The following ERBIN variants were observed in gnomAD, a reference collection of about 807,000 sequenced individuals.
The protein encoded by ERBIN is erbb2 interacting protein.
A neutral mutation model predicts 158.4 loss-of-function variants in ERBIN; 60 were observed. The observed-to-expected ratio is 0.38, with a 90% CI of 0.31 to 0.47. ERBIN has a LOEUF of 0.47. Among genes scored for constraint, ERBIN ranks in the 20% least tolerant of loss-of-function variants. The pLI is 0.99. For missense variants in ERBIN, 1,610 were observed against 1,648.0 expected (o/e 0.98, Z 0.40); for synonymous variants, 594 against 557.2 (o/e 1.07, Z -0.93).
intron 1 of ERBIN, among the ~76,000 whole-genome samples, chr5:65,954,215 C>T (rs970245571): frequency 1.2e-4 from 18 of 152,026 alleles, no homozygotes; most frequent in South Asian, 4.2e-4. Flanking sequence ...AGATTGTTCT[C>T]GAGAGTAATA....
intron 4 of ERBIN, among the ~76,000 whole-genome samples, chr5:66,000,236 A>G (rs1433646053): frequency 6.6e-6 from 1 of 152,228 alleles, no homozygotes; most frequent in African/African-American, 2.4e-5. Flanking sequence ...TGCTTGGCTC[A>G]GTAATGAAAA....
intron 18 of ERBIN, among the ~76,000 whole-genome samples, chr5:66,047,542 G>A (rs940008888): frequency 5.9e-5 from 9 of 151,970 alleles, no homozygotes; most frequent in African/African-American, 1.9e-4. Context: ...TGGTGAAGCT[G>A]TAACTTTTTA....
intron 1 of ERBIN, among the ~76,000 whole-genome samples, chr5:65,958,149 C>A (rs1747458180): frequency 6.6e-6 from 1 of 151,144 alleles, no homozygotes; most frequent in South Asian, 2.1e-4. Flanking sequence ...GGCAGCCGGG[C>A]AGAGGGGCTC....
At chr5:66,014,627 T>C (rs751701703) in intron 6 of ERBIN, 42 bp from the exon 7 acceptor site, 4 of 925,390 alleles carry the variant, frequency 4.3e-6, no homozygotes, top group Non-Finnish European at 6.5e-6. Flanking sequence ...ATTAAATTCA[T>C]TGTCTTTGTC....
chr5:66,079,464 C>T lies in ERBIN; in HGVS notation c.*934C>T, dbSNP rs766746922. 6.6e-6 allele frequency: 1 copy of T among 151,674 alleles called. No homozygotes were observed. Among genetic ancestry groups the T allele is most frequent in the Admixed American group, 6.6e-5 (1 of 15,182 alleles). The allele number at this position is 151,674 out of a possible 1,614,324, so 9.4% of individuals were successfully genotyped here. ...AATTTATAATTTTTATTTTAAGCAGCAAATGAAACAAAAATGGCCAGTTTT... is the reference window on the plus strand; with the variant it reads ...AATTTATAATTTTTATTTTAAGCAGTAAATGAAACAAAAATGGCCAGTTTT... On this transcript the variant is annotated 3_prime_UTR_variant, in exon 26 of 26. Transcript: ENST00000284037.
At chr5:66,037,581 G>A (rs1466443482) in intron 14 of ERBIN, among the ~76,000 whole-genome samples, 1 of 152,098 alleles carries the variant, frequency 6.6e-6, no homozygotes, top group African/African-American at 2.4e-5. Context: ...TTAAATGGGA[G>A]TAAGATTACA....
At chr5:66,034,643 A>G (rs566475065) in intron 14 of ERBIN, among the ~76,000 whole-genome samples, 1 of 151,716 alleles carries the variant, frequency 6.6e-6, no homozygotes, top group Non-Finnish European at 1.5e-5. Flanking sequence ...TTCAGAACAC[A>G]GTTTAGGAAA....
chr5:66,049,080 A>T (rs1478534769), intron 19 of ERBIN, among the ~76,000 whole-genome samples: 1 of 152,060 alleles, frequency 6.6e-6, no homozygotes, highest in Non-Finnish European at 1.5e-5. Context: ...AATTTTATCC[A>T]TGTGTACATA....
chr5:65,983,796 C>CA (rs60838785), intron 1 of ERBIN, among the ~76,000 whole-genome samples: 3 of 152,174 alleles, frequency 2.0e-5, no homozygotes. Context: ...GCACCCCCCC[C>CA]AACTGTCTGT....
At chr5:66,042,745 T>C (rs548556255) in intron 15 of ERBIN, among the ~76,000 whole-genome samples, 3 of 152,266 alleles carry the variant, frequency 2.0e-5, no homozygotes, top group African/African-American at 7.2e-5. Context: ...GAAATTGCAT[T>C]TCTACCATAG....
At chr5:65,987,094 C>T (rs991126006) in intron 1 of ERBIN, among the ~76,000 whole-genome samples, 2 of 152,040 alleles carry the variant, frequency 1.3e-5, no homozygotes, top group Non-Finnish European at 2.9e-5. Context: ...AAATGTTTTT[C>T]CAGAATTAAC....
At position 66,082,429 on chromosome 5, in the gene ERBIN, C is replaced by T. The variant is rs1464841615; in HGVS notation, c.*3899C>T. 2 of 152,160 alleles carry T rather than the reference C, an allele frequency of 1.3e-5. No homozygotes were observed. Among genetic ancestry groups the T allele is most frequent in the East Asian group, 3.8e-4 (2 of 5,198 alleles). The allele number at this position is 152,160 out of a possible 1,614,324, so 9.4% of individuals were successfully genotyped here. On this transcript the variant is annotated 3_prime_UTR_variant, in exon 26 of 26. Transcript: ENST00000284037. Reference sequence around the variant, plus strand: ...CCCATCTAGCTTCTCAATCGGCCCACGGTTTTATTTCAGGATAAAATTTGA... The same window carrying T: ...CCCATCTAGCTTCTCAATCGGCCCATGGTTTTATTTCAGGATAAAATTTGA...
chr5:66,023,371 A>T lies in ERBIN; in HGVS notation c.672+7A>T. On this transcript the variant is annotated splice_region_variant and intron_variant, in intron 9 of 25. Transcript: ENST00000284037. ...ACTGACTTTTATTCCAGGGGTATGT[A>T]TATGAGATTTTAAATGGCATCACTT... 1 of 1,587,440 alleles carries T rather than the reference A, an allele frequency of 6.3e-7. No individual in the cohort carries two copies. Among genetic ancestry groups the T allele is most frequent in the Non-Finnish European group, 8.6e-7 (1 of 1,161,718 alleles).
At chr5:66,047,352 C>T (rs894898527) in intron 18 of ERBIN, among the ~76,000 whole-genome samples, 2 of 151,988 alleles carry the variant, frequency 1.3e-5, no homozygotes, top group African/African-American at 4.8e-5. Flanking sequence ...GTATATCCAC[C>T]CTTTGTTCAT....
intron 1 of ERBIN, among the ~76,000 whole-genome samples, chr5:65,934,189 C>T (rs1358540539): frequency 6.6e-6 from 1 of 152,226 alleles, no homozygotes; most frequent in East Asian, 1.9e-4. Context: ...AGCCACCGCG[C>T]CCAGCCCGTC....
intron 1 of ERBIN, among the ~76,000 whole-genome samples, chr5:65,955,846 T>C (rs1199943275): frequency 6.6e-6 from 1 of 152,200 alleles, no homozygotes; most frequent in East Asian, 1.9e-4. Flanking sequence ...AGAAATAATT[T>C]GTAAGTTTGA....
chr5:66,070,205 C>T (rs1257770512), intron 21 of ERBIN, among the ~76,000 whole-genome samples: 5 of 151,992 alleles, frequency 3.3e-5, no homozygotes, highest in Admixed American at 1.3e-4. Context: ...CCACCACACC[C>T]GGCTAATTTT....
intron 22 of ERBIN, among the ~76,000 whole-genome samples, chr5:66,074,177 A>G (rs1761777885): frequency 1.3e-5 from 2 of 150,066 alleles, no homozygotes; most frequent in Admixed American, 6.8e-5. Flanking sequence ...GGCATGAGCT[A>G]CTGCACCCTG....
At chr5:66,008,589 A>C (rs1180406346) in intron 4 of ERBIN, among the ~76,000 whole-genome samples, 1 of 152,214 alleles carries the variant, frequency 6.6e-6, no homozygotes, top group African/African-American at 2.4e-5. Context: ...TTAGATCAGT[A>C]GAACATATTA....
Sources: allele counts gnomAD v4.1 joint callset (sites outside exome capture counted in the v4.1 genomes callset), GRCh38; gene constraint gnomAD v4.1.1; transcripts MANE v1.5; gene names NCBI Gene and HGNC (gene_info 2026-07-23, HGNC 2026-07-21).